Variants in LIMCH1 observed in about 807,000 individuals in gnomAD.
LIMCH1 encodes the protein LIM and calponin homology domains-containing protein 1.
In LIMCH1, 113 loss-of-function variants were observed where a neutral mutation model predicts 176.5. The observed-to-expected ratio is 0.64, with a 90% CI of 0.55 to 0.75. LIMCH1 has a LOEUF of 0.75. Ranked by LOEUF, LIMCH1 falls within the 30% of genes least tolerant of loss-of-function variation. The pLI is 0.00. For missense variants in LIMCH1, 1,674 were observed against 1,814.9 expected (o/e 0.92, Z 1.41); for synonymous variants, 619 against 645.9 (o/e 0.96, Z 0.63).
intron 5 of LIMCH1, among the ~76,000 whole-genome samples, chr4:41,616,571 T>C (rs1326003679): frequency 6.6e-6 from 1 of 151,778 alleles, no homozygotes; most frequent in Non-Finnish European, 1.5e-5. Context: ...AAAATCATCA[T>C]CACATGCTAG....
chr4:41,449,698 TG>T (rs948312689), intron 1 of LIMCH1, among the ~76,000 whole-genome samples: 1 of 152,212 alleles, frequency 6.6e-6, no homozygotes, highest in African/African-American at 2.4e-5. Flanking sequence ...TGAAGTAACT[TG>T]AACCTCAGAT....
At chr4:41,462,849 T>A (rs2065572937) in intron 1 of LIMCH1, among the ~76,000 whole-genome samples, 1 of 152,214 alleles carries the variant, frequency 6.6e-6, no homozygotes, top group Non-Finnish European at 1.5e-5. Context: ...TTACCTCACT[T>A]ATAATTGTCT....
intron 18 of LIMCH1, among the ~76,000 whole-genome samples, chr4:41,659,678 A>G (rs934464768): frequency 1.3e-5 from 2 of 152,038 alleles, no homozygotes; most frequent in African/African-American, 2.4e-5. Context: ...TTATCTTAAA[A>G]CCTTTTAAAA....
At chr4:41,591,816 A>G (rs889097491) in intron 1 of LIMCH1, among the ~76,000 whole-genome samples, 1 of 152,156 alleles carries the variant, frequency 6.6e-6, no homozygotes, top group African/African-American at 2.4e-5. Context: ...TATTGGGGTA[A>G]AAGAAATAAC....
At chr4:41,662,606 G>A (rs1374736505) in intron 19 of LIMCH1, among the ~76,000 whole-genome samples, 1 of 152,164 alleles carries the variant, frequency 6.6e-6, no homozygotes, top group Non-Finnish European at 1.5e-5. Context: ...GTTATAGGAC[G>A]TGATTTGTGT....
Position 41,620,604 on chromosome 4 carries a change from A to T in LIMCH1, c.639A>T (p.Glu213Asp). The T allele has an allele frequency of 6.5e-7, 1 of 1,536,222 alleles. No individual in the cohort carries two copies. The highest frequency in any genetic ancestry group is 8.7e-7 in the Non-Finnish European group (1 of 1,146,928). ...TGGTGGCACCAGCTCCCAAGTCTGA[A>T]GAAAAAGATGCTGCTGAGATCCAAA... ...GAVVAPAPKSEEKDAAEIQKR... is the reference protein window; with the variant it reads ...GAVVAPAPKSDEKDAAEIQKR... Residue 213 changes from glutamate to aspartate, a missense_variant, in exon 7 of 32, where the codon GAA becomes GAT. Physicochemically the swap from Glu to Asp is conservative, Grantham distance 45. Coordinates refer to ENST00000503057, the MANE Select transcript of LIMCH1 (RefSeq NM_001330672.2).
chr4:41,522,884 G>A (rs890033980), intron 2 of LIMCH1, among the ~76,000 whole-genome samples: 1 of 152,102 alleles, frequency 6.6e-6, no homozygotes, highest in South Asian at 2.1e-4. Context: ...TTTTTAAAAG[G>A]TTAAATTTAT....
In LIMCH1 at chr4:41,598,437, C is replaced by G. The variant is rs542608771; in HGVS notation, c.-240-483C>G. Among the ~76,000 whole-genome samples the G allele has an allele frequency of 2.0e-5, 3 of 151,224 alleles. No homozygotes were observed. In the South Asian group the frequency reaches 6.3e-4, roughly 32 times the overall value. ...TAATCCACAAAGAGGTATTACTAGT[C>G]AAAATCCCTAAAGGATGTAAAATAC... On this transcript the variant is annotated intron_variant, in intron 1 of 31. Coordinates refer to ENST00000503057, the MANE Select transcript of LIMCH1 (RefSeq NM_001330672.2).
Position 41,400,477 on chromosome 4 carries a change from T to G in LIMCH1, c.96+39541T>G, listed in dbSNP as rs1329287555. Among the ~76,000 whole-genome samples, 4 of 152,212 alleles carry G rather than the reference T, an allele frequency of 2.6e-5. No homozygotes were observed. In the East Asian group the frequency reaches 7.7e-4, roughly 29 times the overall value. ...TGCTTGAAGAATTACATGTTGTGCT[T>G]GGCAATTTGCACTGCATGCAAAGCT... On this transcript the variant is annotated intron_variant, in intron 1 of 26. Coordinates refer to the LIMCH1 transcript ENST00000313860.
chr4:41,569,042 G>A (rs1297123735), intron 1 of LIMCH1, among the ~76,000 whole-genome samples: 2 of 152,094 alleles, frequency 1.3e-5, no homozygotes, highest in Non-Finnish European at 2.9e-5. Flanking sequence ...GTACTAAATA[G>A]AAATTACCAA....
intron 2 of LIMCH1, among the ~76,000 whole-genome samples, chr4:41,508,135 T>TG (rs2074404219): frequency 6.6e-6 from 1 of 151,980 alleles, no homozygotes; most frequent in African/African-American, 2.4e-5. Context: ...AGAAAACCAG[T>TG]GGGGCAATGG....
intron 1 of LIMCH1, among the ~76,000 whole-genome samples, chr4:41,568,729 G>C (rs4610373): frequency 0.044 from 6,743 of 152,220 alleles, 518 homozygotes; most frequent in African/African-American, 0.15. Flanking sequence ...GGTATTGGCA[G>C]TTACTATGAA....
chr4:41,470,792 C>T (rs28644266), intron 1 of LIMCH1, among the ~76,000 whole-genome samples: 5,495 of 152,066 alleles, frequency 0.036, 202 homozygotes, highest in South Asian at 0.12. Flanking sequence ...CTCTTGCACA[C>T]TCCATGCGTG....
chr4:41,674,191 C>G (rs530348922), intron 22 of LIMCH1, among the ~76,000 whole-genome samples: 3 of 152,310 alleles, frequency 2.0e-5, no homozygotes, highest in African/African-American at 7.2e-5. Context: ...CCCCCCACCC[C>G]ACACTTCCTC....
In LIMCH1 at chr4:41,699,730, A is replaced by T. The variant is rs1374208027; in HGVS notation, c.*2545A>T. On this transcript the variant is annotated 3_prime_UTR_variant, in exon 32 of 32. Coordinates refer to ENST00000503057, the MANE Select transcript of LIMCH1 (RefSeq NM_001330672.2). Reference sequence around the variant, plus strand: ...TACTCTTTAATAAAAATAATGGGTAACTTTTTGTTTTTCACTAGCGAACTT... The same window carrying T: ...TACTCTTTAATAAAAATAATGGGTATCTTTTTGTTTTTCACTAGCGAACTT... 6.6e-6 allele frequency: 1 copy of T among 152,174 alleles called. No homozygotes were observed. Among genetic ancestry groups the T allele is most frequent in the Non-Finnish European group, 1.5e-5 (1 of 68,020 alleles). 9.4% of individuals were successfully genotyped at this position (152,174 alleles called of 1,614,324 possible). A position where few individuals can be genotyped will look rare whatever the true frequency, so the allele number is the denominator to read the frequency against.
intron 2 of LIMCH1, among the ~76,000 whole-genome samples, chr4:41,518,088 G>A (rs1022853169): frequency 2.6e-5 from 4 of 152,120 alleles, no homozygotes; most frequent in African/African-American, 4.8e-5. Context: ...TGTTCTTCCC[G>A]AAACTCTAGG....
chr4:41,503,677 A>G (rs546709016), intron 2 of LIMCH1, among the ~76,000 whole-genome samples: 3 of 152,248 alleles, frequency 2.0e-5, no homozygotes, highest in South Asian at 2.1e-4. Context: ...TCTCTAAACT[A>G]TGGAGTGAGT....
At chr4:41,693,906 C>T (rs1050269150) in intron 31 of LIMCH1, among the ~76,000 whole-genome samples, 30 of 152,144 alleles carry the variant, frequency 2.0e-4, no homozygotes, top group African/African-American at 6.5e-4. Flanking sequence ...GCCAACAGAA[C>T]AACCTGAACC....
intron 2 of LIMCH1, among the ~76,000 whole-genome samples, chr4:41,511,218 T>C (rs1281114657): frequency 6.6e-6 from 1 of 152,232 alleles, no homozygotes; most frequent in East Asian, 1.9e-4. Flanking sequence ...GATCTATTAT[T>C]GTTCCTACAA....
Sources: allele counts gnomAD v4.1 joint callset (sites outside exome capture counted in the v4.1 genomes callset), GRCh38; gene constraint gnomAD v4.1.1; transcripts MANE v1.5; gene names NCBI Gene and HGNC (gene_info 2026-07-23, HGNC 2026-07-21).